The following SLC4A4 variants were observed in gnomAD, a reference collection of about 807,000 sequenced individuals.
SLC4A4 encodes electrogenic sodium bicarbonate cotransporter 1.
SLC4A4 carries 27 observed loss-of-function variants against 111.5 expected under a neutral mutation model. The ratio of observed to expected loss-of-function variants is 0.24; its 90% CI spans 0.18 to 0.33. The LOEUF (loss-of-function observed/expected upper bound fraction) is 0.33. Among genes scored for constraint, SLC4A4 ranks in the 10% least tolerant of loss-of-function variants. The pLI, the probability that SLC4A4 is intolerant of heterozygous loss-of-function variation, is 1.00. For synonymous variants in SLC4A4, 443 were observed against 463.4 expected, an observed-to-expected ratio of 0.96 and a Z score of 0.57; for missense variants, 909 against 1,315.5, an observed-to-expected ratio of 0.69 and a Z score of 4.78.
intron 2 of SLC4A4, among the ~76,000 whole-genome samples, chr4:71,129,389 G>T (rs1176835877): frequency 3.3e-5 from 5 of 152,096 alleles, no homozygotes; most frequent in African/African-American, 4.8e-5. Context: ...TTAATTATTA[G>T]AGAAATGCAA....
chr4:71,124,226 G>C (rs892683946), intron 2 of SLC4A4, among the ~76,000 whole-genome samples: 5 of 147,728 alleles, frequency 3.4e-5, no homozygotes, highest in African/African-American at 1.3e-4. Flanking sequence ...AGGCTAGAGT[G>C]CAGTGGTGCG....
intron 2 of SLC4A4, among the ~76,000 whole-genome samples, chr4:71,140,391 A>C (rs1743961979): frequency 6.6e-6 from 1 of 152,176 alleles, no homozygotes; most frequent in African/African-American, 2.4e-5. Context: ...ACTGCACTCT[A>C]GCCTGAGCGA....
intron 2 of SLC4A4, among the ~76,000 whole-genome samples, chr4:71,172,673 C>T (rs16845964): frequency 0.18 from 27,564 of 152,258 alleles, 5,619 homozygotes; most frequent in African/African-American, 0.5. Flanking sequence ...CTGTGTAATT[C>T]TGAGTAAAAT....
rs558435954 is a variant in SLC4A4 at position 71,265,981 on chromosome 4, A to G, written c.253+10582A>G. 6.4e-4 allele frequency among the ~76,000 whole-genome samples: 97 copies of G among 152,330 alleles called. No individual in the cohort carries two copies. The Middle Eastern group carries it at 0.02, about 32-fold the overall frequency. On this transcript the variant is annotated intron_variant, in intron 3 of 25. Coordinates refer to ENST00000264485, the MANE Select transcript of SLC4A4 (RefSeq NM_001098484.3). ...ATTATTTAATATAACTTTCAATTCT[A>G]TAATTTAAAAAGTATAAAATTCAGT...
chr4:71,136,834 C>T (rs1743860105), intron 2 of SLC4A4, among the ~76,000 whole-genome samples: 1 of 152,024 alleles, frequency 6.6e-6, no homozygotes, highest in South Asian at 2.1e-4. Flanking sequence ...TTTGGTGCAA[C>T]TTAGTATAAG....
intron 3 of SLC4A4, among the ~76,000 whole-genome samples, chr4:71,285,812 T>A (rs1723872234): frequency 6.6e-6 from 1 of 152,224 alleles, no homozygotes. Flanking sequence ...GGTACTCTTT[T>A]GTTTTCTAGT....
chr4:71,423,249 G>T (rs2149027470), intron 7 of SLC4A4, among the ~76,000 whole-genome samples: 1 of 152,268 alleles, frequency 6.6e-6, no homozygotes, highest in Non-Finnish European at 1.5e-5. Flanking sequence ...TTGCTTCAAA[G>T]AGAATAAAAT....
intron 1 of SLC4A4, among the ~76,000 whole-genome samples, chr4:71,209,927 AGTGCTTTTT>A (rs1379661006): frequency 6.6e-6 from 1 of 152,200 alleles, no homozygotes; most frequent in East Asian, 1.9e-4. Flanking sequence ...GGACTGTTCC[AGTGCTTTTT>A]GTGGTCTAAC....
At chr4:71,493,633 GTCTCTCTCTCTGTCTT>G in intron 15 of SLC4A4, among the ~76,000 whole-genome samples, 1 of 151,360 alleles carries the variant, frequency 6.6e-6, no homozygotes, top group South Asian at 2.1e-4. Context: ...GTCCTGGGAC[GTCTCTCTCTCTGTCTT>G]TCTCTCTCTC....
intron 1 of SLC4A4, among the ~76,000 whole-genome samples, chr4:71,082,752 CCT>C (rs1355651114): frequency 6.6e-6 from 1 of 151,930 alleles, no homozygotes; most frequent in Non-Finnish European, 1.5e-5. Context: ...TATGTAACTC[CCT>C]GAGTCATCTA....
intron 5 of SLC4A4, among the ~76,000 whole-genome samples, chr4:71,354,384 C>T (rs1323563293): frequency 2.0e-5 from 3 of 152,036 alleles, no homozygotes; most frequent in Admixed American, 6.6e-5. Context: ...TTTTTCTAGT[C>T]ACAAAACTAA....
intron 3 of SLC4A4, among the ~76,000 whole-genome samples, chr4:71,318,330 C>T (rs774438210): frequency 4.7e-4 from 72 of 152,168 alleles, no homozygotes; most frequent in Non-Finnish European, 8.2e-4. Context: ...TAGTTCAGAA[C>T]ATGCTAATTT....
chr4:71,099,574 C>G (rs1455061707), intron 2 of SLC4A4, among the ~76,000 whole-genome samples: 1 of 151,874 alleles, frequency 6.6e-6, no homozygotes, highest in Non-Finnish European at 1.5e-5. Flanking sequence ...TAGCAGAAGA[C>G]AAGAAATAAC....
intron 7 of SLC4A4, among the ~76,000 whole-genome samples, chr4:71,426,478 A>G (rs1337179442): frequency 6.6e-6 from 1 of 152,072 alleles, no homozygotes; most frequent in African/African-American, 2.4e-5. Context: ...GAGGGTGGAG[A>G]TAGGAACAGC....
intron 2 of SLC4A4, among the ~76,000 whole-genome samples, chr4:71,174,168 T>C (rs1745019153): frequency 1.3e-5 from 2 of 152,148 alleles, no homozygotes; most frequent in South Asian, 2.1e-4. Flanking sequence ...ATTTCCTTTT[T>C]TTTTCCTAGC....
At chr4:71,362,296 C>T (rs1000030762) in intron 6 of SLC4A4, among the ~76,000 whole-genome samples, 3 of 152,068 alleles carry the variant, frequency 2.0e-5, no homozygotes, top group East Asian at 1.9e-4. Context: ...TCTAATTTTA[C>T]GACCTCACTT....
Position 71,503,677 on chromosome 4 carries a change from C to T in SLC4A4, c.2166+5985C>T, listed in dbSNP as rs529561755. Among the ~76,000 whole-genome samples, 38 of 152,080 alleles carry T rather than the reference C, an allele frequency of 2.5e-4. 1 individual carries two copies. Among genetic ancestry groups the T allele is most frequent in the Admixed American group, 2.2e-3 (34 of 15,260 alleles). ...CACTAATTATGGCTTTTCTTGTTTT[C>T]GACCATTTTAAGTTTAAACCTTCAT... On this transcript the variant is annotated intron_variant, in intron 16 of 25. Transcript: ENST00000264485.
At chr4:71,472,346 G>A (rs1219215796) in intron 13 of SLC4A4, among the ~76,000 whole-genome samples, 1 of 151,776 alleles carries the variant, frequency 6.6e-6, no homozygotes, top group African/African-American at 2.4e-5. Context: ...TCATACAAAC[G>A]TTTATTGAAC....
At chr4:71,376,658 G>T (rs2050288190) in intron 6 of SLC4A4, among the ~76,000 whole-genome samples, 1 of 149,944 alleles carries the variant, frequency 6.7e-6, no homozygotes, top group African/African-American at 2.5e-5. Flanking sequence ...TTTTGAGTTG[G>T]AGTCTCACTT....
Sources: allele counts gnomAD v4.1 joint callset (sites outside exome capture counted in the v4.1 genomes callset), GRCh38; gene constraint gnomAD v4.1.1; transcripts MANE v1.5; gene names NCBI Gene and HGNC (gene_info 2026-07-23, HGNC 2026-07-21).